Variants in ATPAF2 observed in about 807,000 individuals in gnomAD.
ATPAF2 encodes the protein ATP12 homolog.
In ATPAF2, 30 loss-of-function variants were observed where a neutral mutation model predicts 36.6. That is an observed-to-expected ratio of 0.82 (90% CI 0.61 to 1.11). ATPAF2 has a LOEUF of 1.11. Among genes scored for constraint, ATPAF2 ranks in the 50% most tolerant of loss-of-function variants. The probability of loss-of-function intolerance (pLI) is 0.00; values close to 1 mark genes in which losing one functional copy is unlikely to be tolerated. For missense variants in ATPAF2, 321 were observed against 372.3 expected (o/e 0.86, Z 1.13); for synonymous variants, 140 against 152.6 (o/e 0.92, Z 0.61).
At chr17:18,037,427 T>G (rs2145528796) in intron 1 of ATPAF2, among the ~76,000 whole-genome samples, 1 of 151,766 alleles carries the variant, frequency 6.6e-6, no homozygotes, top group Non-Finnish European at 1.5e-5. Context: ...CTACTAAAAA[T>G]ACAAAAATTA....
At chr17:18,026,167 G>A (rs2044542530) in intron 4 of ATPAF2, 152 bp downstream of exon 4, 2 of 750,936 alleles carry the variant, frequency 2.7e-6, no homozygotes, top group Non-Finnish European at 4.8e-6. Context: ...CTCCTAAGGG[G>A]CTACAGAGCA....
chr17:18,030,380 C>T (rs2145509234), intron 1 of ATPAF2, among the ~76,000 whole-genome samples: 1 of 146,970 alleles, frequency 6.8e-6, no homozygotes, highest in African/African-American at 2.5e-5. Flanking sequence ...GTGGCACATG[C>T]CTGTAGTCCC....
chr17:18,030,574 T>C (rs1294542571), intron 1 of ATPAF2, among the ~76,000 whole-genome samples: 1 of 147,504 alleles, frequency 6.8e-6, no homozygotes, highest in African/African-American at 2.5e-5. Context: ...AAATAGACCA[T>C]GAAAATTCAG....
chr17:18,031,671 T>G (rs977179564), intron 1 of ATPAF2, among the ~76,000 whole-genome samples: 1 of 151,980 alleles, frequency 6.6e-6, no homozygotes, highest in Non-Finnish European at 1.5e-5. Flanking sequence ...TCCCAGCTAC[T>G]TGGGAGGCTG....
chr17:18,034,057 T>C (rs1256404153), intron 1 of ATPAF2, among the ~76,000 whole-genome samples: 1 of 152,090 alleles, frequency 6.6e-6, no homozygotes, highest in Non-Finnish European at 1.5e-5. Context: ...AGGTTGAGGC[T>C]GCAGTGAGCC....
At chr17:18,022,764 A>C (rs2044487879) in intron 5 of ATPAF2, among the ~76,000 whole-genome samples, 1 of 152,030 alleles carries the variant, frequency 6.6e-6, no homozygotes, top group Non-Finnish European at 1.5e-5. Flanking sequence ...AGAAAAACAC[A>C]ATGGGGGATA....
chr17:18,019,110 CA>C (rs1341293114), intron 7 of ATPAF2, among the ~76,000 whole-genome samples: 2 of 151,070 alleles, frequency 1.3e-5, no homozygotes, highest in Non-Finnish European at 2.9e-5. Context: ...GCTGCACTCC[CA>C]CTTGGGCAAC....
intron 4 of ATPAF2, 153 bp downstream of exon 4, chr17:18,026,166 G>A: frequency 2.7e-6 from 2 of 746,466 alleles, no homozygotes; most frequent in South Asian, 1.4e-5. Flanking sequence ...CCTCCTAAGG[G>A]GCTACAGAGC....
chr17:18,023,956 A>G (rs76069711), intron 5 of ATPAF2, among the ~76,000 whole-genome samples: 2,742 of 152,336 alleles, frequency 0.018, 88 homozygotes, highest in African/African-American at 0.062. Context: ...AAAATATTTC[A>G]TATCAATTCC....
chr17:18,038,381 GA>G (rs2044736029), intron 1 of ATPAF2, among the ~76,000 whole-genome samples: 1 of 152,248 alleles, frequency 6.6e-6, no homozygotes, highest in South Asian at 2.1e-4. Flanking sequence ...GCAGATGGCA[GA>G]GGTTGTGGTA....
chr17:18,038,688 T>C (rs1193360686), intron 1 of ATPAF2, among the ~76,000 whole-genome samples, 193 bp downstream of exon 1: 2 of 152,252 alleles, frequency 1.3e-5, no homozygotes, highest in Non-Finnish European at 2.9e-5. Flanking sequence ...GTATCGTGCG[T>C]GACTCGCTGT....
chr17:18,029,966 T>G (rs539871871), intron 1 of ATPAF2, among the ~76,000 whole-genome samples: 22 of 148,458 alleles, frequency 1.5e-4, no homozygotes, highest in Admixed American at 1.4e-3. Flanking sequence ...GTGGGAAGAC[T>G]GCTTGAGGCC....
chr17:18,024,515 G>T lies in ATPAF2; in HGVS notation c.503+109C>A. 4.4e-6 allele frequency: 4 copies of T among 916,834 alleles called. No homozygotes were observed. The Middle Eastern group carries it at 8.1e-4, about 185-fold the overall frequency. The allele number at this position is 916,834 out of a possible 1,614,324, so 56.8% of individuals were successfully genotyped here. On this transcript the variant is annotated intron_variant, in intron 5 of 7. Transcript: ENST00000474627. ...AAATCCCACGAGTGCTCTGAAATCA[G>T]AAAGCTGACTAGCTAAGGGCACTAG...
At chr17:18,028,490 A>G in intron 2 of ATPAF2, 113 bp from the exon 3 acceptor site, 1 of 1,546,334 alleles carries the variant, frequency 6.5e-7, no homozygotes, top group South Asian at 1.1e-5. Flanking sequence ...AGTCCCTTAC[A>G]GAAATATATC....
Position 18,018,313 on chromosome 17 carries a change from T to C in ATPAF2, c.*236A>G. The stretch of plus-strand genomic sequence containing the variant: ...AAATCAGAGTCGAGAGAAAGTCACT[T>C]GCACAATTCATCTCCTACATTCACT... On this transcript the variant is annotated 3_prime_UTR_variant, in exon 8 of 8. Transcript: ENST00000474627. 1.7e-6 allele frequency: 1 copy of C among 586,030 alleles called. No homozygotes were observed. The highest frequency in any genetic ancestry group is 3.0e-6 in the Non-Finnish European group (1 of 328,810). 36.3% of individuals were successfully genotyped at this position (586,030 alleles called of 1,614,324 possible).
rs34738009 is a variant in ATPAF2, at chr17:18,038,903, G to A, written c.111C>T (p.Ala37=). The A allele has an allele frequency of 9.7e-5, 157 of 1,614,040 alleles. No individual in the cohort carries two copies. In the African/African-American group the frequency reaches 1.9e-3, roughly 20 times the overall value. Residue 37 remains alanine (A), a synonymous_variant, in exon 1 of 8, where the codon GCC becomes GCT. Coordinates refer to ENST00000474627, the MANE Select transcript of ATPAF2 (RefSeq NM_145691.4). ...TACCTGTCGGCGGGGCGTAAGCCCG[G>A]GCTGGAGACGGGATGGTTGGCCCCG... ...MSPGPTIPSP[A]RAYAPPTERK... is the part of the protein sequence containing the mutation.
At chr17:18,021,644 T>C in intron 6 of ATPAF2, 101 bp downstream of exon 6, 1 of 1,022,526 alleles carries the variant, frequency 9.8e-7, no homozygotes, top group Non-Finnish European at 1.6e-6. Context: ...GAACACTCTG[T>C]GCCTCTCCAC....
At position 18,038,900 on chromosome 17, in the gene ATPAF2, C is replaced by T. The variant is rs2145535437; in HGVS notation, c.114G>A (p.Arg38=). The T allele has an allele frequency of 6.2e-7, 1 of 1,614,066 alleles. No homozygotes were observed. Among genetic ancestry groups the T allele is most frequent in the Non-Finnish European group, 8.5e-7 (1 of 1,179,916 alleles). The change falls in exon 1 of 8, where the codon CGG becomes CGA. Residue 38 remains arginine (R), a synonymous_variant. Transcript: ENST00000474627. ...SPGPTIPSPA[R]AYAPPTERKR... ...TCTTACCTGTCGGCGGGGCGTAAGCCCGGGCTGGAGACGGGATGGTTGGCC... is the reference window on the plus strand; with the variant it reads ...TCTTACCTGTCGGCGGGGCGTAAGCTCGGGCTGGAGACGGGATGGTTGGCC...
At chr17:18,024,725 C>T (rs755157128) in intron 4 of ATPAF2, 21 bp from the exon 5 acceptor site, 2 of 1,598,014 alleles carry the variant, frequency 1.3e-6, no homozygotes, top group African/African-American at 1.3e-5. Context: ...GTAAAAATAA[C>T]CTTCATTAAT....
Sources: gnomAD v4.1 joint callset for allele counts (sites outside exome capture counted in the v4.1 genomes callset) on GRCh38, gnomAD v4.1.1 for gene constraint, MANE v1.5 for transcripts, NCBI Gene and HGNC (gene_info 2026-07-23, HGNC 2026-07-21) for gene names.